Variants in BMI1 observed in about 807,000 individuals in gnomAD.
BMI1 encodes the protein polycomb complex protein BMI-1.
A neutral mutation model predicts 39.1 loss-of-function variants in BMI1; 9 were observed. The observed-to-expected ratio is 0.23, with a 90% CI of 0.14 to 0.40. BMI1 has a LOEUF of 0.40. Among genes scored for constraint, BMI1 ranks in the 10% least tolerant of loss-of-function variants. The pLI is 1.00. For missense variants in BMI1, 252 were observed against 390.8 expected (o/e 0.64, Z 2.99); for synonymous variants, 131 against 127.9 (o/e 1.02, Z -0.16).
chr10:22,326,119 G>A (rs1836143999), intron 1 of BMI1: 1 of 209,040 alleles, frequency 4.8e-6, no homozygotes, highest in Non-Finnish European at 9.7e-6. Context: ...AGCAGCCTTG[G>A]GGCTGCTGGG....
At position 22,326,734 on chromosome 10, in the gene BMI1, C is replaced by A. The variant is rs551604726; in HGVS notation, c.113-156C>A. 96 of 1,296,448 alleles carry A rather than the reference C, an allele frequency of 7.4e-5. 2 individuals are homozygous for A. In the South Asian group the frequency reaches 1.2e-3, roughly 17 times the overall value. The allele number at this position is 1,296,448 out of a possible 1,614,324, so 80.3% of individuals were successfully genotyped here. ...TTGTTAATATGTATTGATTGTATTA[C>A]AAGCATGCAATATATGTGTTCTCAG... is the stretch of plus-strand genomic sequence containing the variant. On this transcript the variant is annotated intron_variant, in intron 2 of 9. Coordinates refer to ENST00000376663, the MANE Select transcript of BMI1 (RefSeq NM_005180.9).
chr10:22,326,883 C>T lies in BMI1; in HGVS notation c.113-7C>T, dbSNP rs749649454. On this transcript the variant is annotated splice_region_variant and splice_polypyrimidine_tract_variant and intron_variant, in intron 2 of 9. Coordinates refer to ENST00000376663, the MANE Select transcript of BMI1 (RefSeq NM_005180.9). The stretch of plus-strand genomic sequence containing the variant: ...ACATAAAAAAACTTCACATGTTCTA[C>T]TTCTAGTCTGTAAAACGTGTATTGT... 6 of 1,613,458 alleles carry T rather than the reference C, an allele frequency of 3.7e-6. No individual in the cohort carries two copies. The highest frequency in any genetic ancestry group is 2.2e-5 in the East Asian group (1 of 44,844).
intron 8 of BMI1, 32 bp downstream of exon 8, chr10:22,328,730 C>T (rs777003626): frequency 6.5e-7 from 1 of 1,528,952 alleles, no homozygotes; most frequent in South Asian, 1.3e-5. Context: ...TTGCATTTTA[C>T]ATAGATTTTA....
At chr10:22,325,633 G>A (rs1052951758) in intron 1 of BMI1, 3 of 119,478 alleles carry the variant, frequency 2.5e-5, no homozygotes, top group Non-Finnish European at 5.3e-5. Flanking sequence ...TCCCCCGCCC[G>A]CCCGCCCGCC....
chr10:22,327,928 A>G (rs559438885), intron 5 of BMI1, 22 bp from the exon 6 acceptor site: 3 of 1,584,252 alleles, frequency 1.9e-6, no homozygotes, highest in African/African-American at 2.7e-5. Context: ...TTTAAAAATT[A>G]CATTTCACTA....
chr10:22,326,166 TCAGCTCC>T, intron 1 of BMI1: 1 of 356,324 alleles, frequency 2.8e-6, no homozygotes, highest in Non-Finnish European at 5.2e-6. Flanking sequence ...CCTAATACGC[TCAGCTCC>T]CAGCCCCCAC....
At chr10:22,322,086 C>T (rs1418588002) in intron 1 of BMI1, 2 of 151,864 alleles carry the variant, frequency 1.3e-5, no homozygotes, top group Non-Finnish European at 2.9e-5. Flanking sequence ...CCCTCCGCAC[C>T]CTCGCGACGC....
rs1431569229 is a variant in BMI1, at chr10:22,327,584, T to C, written c.210-11T>C. The C allele has an allele frequency of 1.3e-6, 2 of 1,587,222 alleles. No individual in the cohort carries two copies. Among genetic ancestry groups the C allele is most frequent in the South Asian group, 1.2e-5 (1 of 85,806 alleles). ...CTGAATTCATAGTTTTCTATTTTAATTATTTTTCAGGTCAGATAAAACTCT... is the reference window on the plus strand; with the variant it reads ...CTGAATTCATAGTTTTCTATTTTAACTATTTTTCAGGTCAGATAAAACTCT... On this transcript the variant is annotated splice_polypyrimidine_tract_variant and intron_variant, in intron 3 of 9. Transcript: ENST00000376663.
At position 22,329,250 on chromosome 10, in the gene BMI1, C is replaced by G; in HGVS notation, c.689C>G (p.Thr230Ser). The G allele has an allele frequency of 1.2e-6, 2 of 1,614,124 alleles. No homozygotes were observed. Among genetic ancestry groups the G allele is most frequent in the South Asian group, 1.1e-5 (1 of 91,082 alleles). ...PLPLKYRVRP[T>S]CKRMKISHQR... ...CCATTGAAATACAGAGTTCGACCTA[C>G]TTGTAAAAGAATGAAGATCAGTCAC... Residue 230 changes from threonine (T) to serine (S), a missense_variant, in exon 10 of 10, where the codon ACT (threonine) becomes AGT (serine). By Grantham distance (58) the Thr-to-Ser change is moderately conservative. Coordinates refer to ENST00000376663, the MANE Select transcript of BMI1 (RefSeq NM_005180.9).
intron 3 of BMI1, among the ~76,000 whole-genome samples, 153 bp from the exon 4 acceptor site, chr10:22,327,442 T>C (rs1293044444): frequency 6.6e-6 from 1 of 152,196 alleles, no homozygotes; most frequent in African/African-American, 2.4e-5. Flanking sequence ...CAGAGAACTT[T>C]TATTCTCATA....
chr10:22,328,250 T>C (rs750915809), intron 7 of BMI1, 71 bp downstream of exon 7: 84 of 1,517,470 alleles, frequency 5.5e-5, no homozygotes, highest in Non-Finnish European at 7.1e-5. Flanking sequence ...GGGATTGTGT[T>C]GCCCTTTAGA....
In BMI1 at chr10:22,321,309, C is replaced by G. The variant is rs980932188; in HGVS notation, c.-407C>G. 6.5e-6 allele frequency: 1 copy of G among 153,148 alleles called. No individual in the cohort carries two copies. The highest frequency in any genetic ancestry group is 1.5e-5 in the Non-Finnish European group (1 of 68,756). 9.5% of individuals were successfully genotyped at this position (153,148 alleles called of 1,614,324 possible). On this transcript the variant is annotated 5_prime_UTR_variant, in exon 1 of 10. Coordinates refer to ENST00000376663, the MANE Select transcript of BMI1 (RefSeq NM_005180.9). ...CCCGTTCCGGCTTAGCAGCACCTCCCAGCCCCGCAGAATAAAACCGATCGC... is the reference window on the plus strand; with the variant it reads ...CCCGTTCCGGCTTAGCAGCACCTCCGAGCCCCGCAGAATAAAACCGATCGC...
intron 1 of BMI1, chr10:22,325,613 G>A (rs1183658783): frequency 7.2e-6 from 1 of 139,764 alleles, no homozygotes; most frequent in Non-Finnish European, 1.6e-5. Flanking sequence ...CCCCCGCGGC[G>A]CGCCGCCCCT....
chr10:22,328,112 TAATA>T lies in BMI1; in HGVS notation c.426-18_426-15del. 2 of 1,596,438 alleles carry T rather than the reference TAATA, an allele frequency of 1.3e-6. No individual in the cohort carries two copies. Among genetic ancestry groups the T allele is most frequent in the Non-Finnish European group, 1.7e-6 (2 of 1,175,022 alleles). ...CTAATGTTTTATTAGATTGTTTCACTAATAAATTTTCTCTTTATTAGATTGGATC... is the reference window on the plus strand; with the variant it reads ...CTAATGTTTTATTAGATTGTTTCACTAATTTTCTCTTTATTAGATTGGATC... On this transcript the variant is annotated intron_variant, in intron 6 of 9. Transcript: ENST00000376663.
At chr10:22,324,467 CA>C (rs1320678995) in intron 1 of BMI1, among the ~76,000 whole-genome samples, 2 of 152,200 alleles carry the variant, frequency 1.3e-5, no homozygotes, top group African/African-American at 4.8e-5. Context: ...CAATATTCTC[CA>C]AAACAAGTAA....
At position 22,331,347 on chromosome 10, in the gene BMI1, G is replaced by A. The variant is rs937009669; in HGVS notation, c.*1805G>A. 1 of 152,142 alleles carries A rather than the reference G, an allele frequency of 6.6e-6. No homozygotes were observed. Among genetic ancestry groups the A allele is most frequent in the African/African-American group, 2.4e-5 (1 of 41,448 alleles). The allele number at this position is 152,142 out of a possible 1,614,324, so 9.4% of individuals were successfully genotyped here. A position where few individuals can be genotyped will look rare whatever the true frequency, so the allele number is the denominator to read the frequency against. ...CTATAGAGGATTACAACAGGTAAAC[G>A]TTAAAGAGAATACATTGCTGACTTA... On this transcript the variant is annotated 3_prime_UTR_variant, in exon 10 of 10. Coordinates refer to ENST00000376663, the MANE Select transcript of BMI1 (RefSeq NM_005180.9).
At chr10:22,325,495 G>A (rs1450054447) in intron 1 of BMI1, among the ~76,000 whole-genome samples, 1 of 151,718 alleles carries the variant, frequency 6.6e-6, no homozygotes, top group Non-Finnish European at 1.5e-5. Context: ...CCCAGGACTG[G>A]GTCCCTGGTC....
rs1264563878 is a variant in BMI1 at position 22,321,288 on chromosome 10, T to G, written c.-428T>G. ...TGGGGATGTGGGCGCGGGAGCCCCG[T>G]TCCGGCTTAGCAGCACCTCCCAGCC... On this transcript the variant is annotated 5_prime_UTR_variant, in exon 1 of 10. Transcript: ENST00000376663. The G allele has an allele frequency of 6.6e-6, 1 of 151,070 alleles. No homozygotes were observed. Among genetic ancestry groups the G allele is most frequent in the Non-Finnish European group, 1.5e-5 (1 of 67,838 alleles). The allele number at this position is 151,070 out of a possible 1,614,324, so 9.4% of individuals were successfully genotyped here.
intron 3 of BMI1, among the ~76,000 whole-genome samples, chr10:22,327,251 G>A (rs1484094591): frequency 6.6e-6 from 1 of 151,694 alleles, no homozygotes; most frequent in Non-Finnish European, 1.5e-5. Flanking sequence ...TTTTTGCATT[G>A]CTTTATGGAC....
Sources: allele counts gnomAD v4.1 joint callset (sites outside exome capture counted in the v4.1 genomes callset), GRCh38; gene constraint gnomAD v4.1.1; transcripts MANE v1.5; gene names NCBI Gene and HGNC (gene_info 2026-07-23, HGNC 2026-07-21).